The following RAB26 variants were observed in gnomAD, a reference collection of about 807,000 sequenced individuals.
RAB26 encodes RAB26, member RAS oncogene family.
RAB26 carries 39 observed loss-of-function variants against 33.1 expected under a neutral mutation model. That is an observed-to-expected ratio of 1.18 (90% CI 0.91 to 1.54). RAB26 has a LOEUF of 1.54. Ranked by LOEUF, RAB26 falls within the 40% of genes most tolerant of loss-of-function variation. The pLI, the probability that RAB26 is intolerant of heterozygous loss-of-function variation, is 0.00. For missense variants in RAB26, 468 were observed against 362.9 expected, an observed-to-expected ratio of 1.29 and a Z score of -2.35; for synonymous variants, 192 against 151.9, an observed-to-expected ratio of 1.26 and a Z score of -1.94.
Position 2,148,665 on chromosome 16 carries a change from G to GCCC in RAB26, c.-117_-116insCCC. ...CCGGGATGATGCCGCCGCCGCCGCC[G>GCCC]CCGCCGCCGCCGCCGCCAGGGGAAG... On this transcript the variant is annotated 5_prime_UTR_variant, in exon 1 of 9. Transcript: ENST00000210187. 2 of 945,936 alleles carry GCCC rather than the reference G, an allele frequency of 2.1e-6. No individual in the cohort carries two copies. Among genetic ancestry groups the GCCC allele is most frequent in the Non-Finnish European group, 2.6e-6 (2 of 762,114 alleles). The allele number at this position is 945,936 out of a possible 1,614,324, so 58.6% of individuals were successfully genotyped here. A position where few individuals can be genotyped will look rare whatever the true frequency, so the allele number is the denominator to read the frequency against.
rs761330239 is a variant in RAB26, at chr16:2,150,014, C to T, written c.269C>T (p.Ala90Val). 9 of 1,544,848 alleles carry T rather than the reference C, an allele frequency of 5.8e-6. No individual in the cohort carries two copies. The highest frequency in any genetic ancestry group is 6.1e-6 in the Non-Finnish European group (7 of 1,143,826). ...LVRFKDGAFL[A>V]GTFISTVGID... ...CGATTCAAGGATGGTGCTTTCCTGG[C>T]GGGGACCTTCATCTCCACCGTAGGC... is the stretch of plus-strand genomic sequence containing the variant. Residue 90 changes from alanine (A) to valine (V), a missense_variant, in exon 2 of 9, where the codon GCG (alanine) becomes GTG (valine). Transcript: ENST00000210187.
At chr16:2,149,672 G>A (rs537716495) in intron 1 of RAB26, among the ~76,000 whole-genome samples, 5 of 152,320 alleles carry the variant, frequency 3.3e-5, no homozygotes, top group African/African-American at 9.6e-5. Context: ...GCTGTCCACC[G>A]TGTGGGGGTA....
intron 2 of RAB26, among the ~76,000 whole-genome samples, chr16:2,150,941 C>T (rs1350079349): frequency 6.6e-6 from 1 of 152,226 alleles, no homozygotes; most frequent in African/African-American, 2.4e-5. Context: ...CCCCCCGCCC[C>T]CACCCCAACA....
chr16:2,148,890 C>T lies in RAB26; in HGVS notation c.107C>T (p.Ser36Phe), dbSNP rs759389319. 7.4e-7 allele frequency: 1 copy of T among 1,356,300 alleles called. No homozygotes were observed. Among genetic ancestry groups the T allele is most frequent in the Admixed American group, 3.4e-5 (1 of 29,684 alleles). The allele number at this position is 1,356,300 out of a possible 1,614,324, so 84.0% of individuals were successfully genotyped here. Reference sequence around the variant, plus strand: ...CCGGCGCGCTCCGGGACTGCGCTTTCCGGCCCCGACGCGCCGCCCAACGGG... The same window carrying T: ...CCGGCGCGCTCCGGGACTGCGCTTTTCGGCCCCGACGCGCCGCCCAACGGG... ...ARPARSGTAL[S>F]GPDAPPNGPL... Residue 36 changes from serine (S) to phenylalanine (F), a missense_variant, in exon 1 of 9, where the codon TCC (serine) becomes TTC (phenylalanine). Physicochemically the swap from Ser to Phe is radical, Grantham distance 155. Coordinates refer to ENST00000210187, the MANE Select transcript of RAB26 (RefSeq NM_014353.5).
chr16:2,153,454 G>A lies in RAB26; in HGVS notation c.*33G>A, dbSNP rs762247046. The A allele has an allele frequency of 2.2e-5, 35 of 1,599,296 alleles. No individual in the cohort carries two copies. The highest frequency in any genetic ancestry group is 1.7e-4 in the Middle Eastern group (1 of 6,034). On this transcript the variant is annotated 3_prime_UTR_variant, in exon 9 of 9. Transcript: ENST00000210187. ...TGAGCTCAGTCCTCTGGAGGAAGCC[G>A]TCCAGTCCCTAGAAGGCTGGACAGA...
chr16:2,151,303 C>T (rs1227146368), intron 2 of RAB26: 4 of 596,734 alleles, frequency 6.7e-6, no homozygotes, highest in Admixed American at 2.6e-5. Flanking sequence ...ATGAGGAAAC[C>T]GAGGCAGTGT....
Position 2,153,012 on chromosome 16 carries a change from G to A in RAB26, c.558G>A (p.Val186=), listed in dbSNP as rs768224207. Residue 186 remains valine, a synonymous_variant, in exon 7 of 9, where the codon GTG becomes GTA. Transcript: ENST00000210187. The stretch of plus-strand genomic sequence containing the variant: ...AGGTGGACTCTGCCCATGAGCGTGT[G>A]GTGAAGAGGGAGGACGGGGAGAAGC... ...GNKVDSAHER[V]VKREDGEKLA... 3.8e-6 allele frequency: 6 copies of A among 1,599,064 alleles called. No homozygotes were observed. The Admixed American group carries it at 5.1e-5, about 13-fold the overall frequency.
rs1260218257 is a variant in RAB26, at chr16:2,153,677, G to A, written c.*256G>A. On this transcript the variant is annotated 3_prime_UTR_variant, in exon 9 of 9. Coordinates refer to ENST00000210187, the MANE Select transcript of RAB26 (RefSeq NM_014353.5). Reference sequence around the variant, plus strand: ...CGGGACGGGGAGCGGCAAGTGGACAGACTTTGCCACGGTGCTCTGCTGCCC... The same window carrying A: ...CGGGACGGGGAGCGGCAAGTGGACAAACTTTGCCACGGTGCTCTGCTGCCC... The A allele has an allele frequency of 1.6e-6, 1 of 642,508 alleles. No individual in the cohort carries two copies. Among genetic ancestry groups the A allele is most frequent in the Non-Finnish European group, 2.9e-6 (1 of 347,618 alleles). The allele number at this position is 642,508 out of a possible 1,614,324, so 39.8% of individuals were successfully genotyped here. A position where few individuals can be genotyped will look rare whatever the true frequency, so the allele number is the denominator to read the frequency against.
chr16:2,149,595 C>T (rs979343373), intron 1 of RAB26, among the ~76,000 whole-genome samples: 7 of 152,114 alleles, frequency 4.6e-5, no homozygotes, highest in South Asian at 2.1e-4. Flanking sequence ...GAGAAGCCCC[C>T]GGCAGAGGCC....
rs543243418 is a variant in RAB26, at chr16:2,152,399, T to C, written c.469-421T>C. ...TCAAAAAAATAAAATGGGCTGGGCA[T>C]GGTGGCTCACACCTGTAATCCCACC... On this transcript the variant is annotated intron_variant, in intron 5 of 8. Transcript: ENST00000210187. Among the ~76,000 whole-genome samples the C allele has an allele frequency of 4.6e-5, 7 of 151,724 alleles. No individual in the cohort carries two copies. The South Asian group carries it at 1.2e-3, about 27-fold the overall frequency.
rs767749416 is a variant in RAB26, at chr16:2,153,391, G to A, written c.741G>A (p.Glu247=). The A allele has an allele frequency of 6.2e-7, 1 of 1,613,474 alleles. No individual in the cohort carries two copies. Among genetic ancestry groups the A allele is most frequent in the Non-Finnish European group, 8.5e-7 (1 of 1,180,000 alleles). The part of the protein sequence containing the change: ...RFRLHDYVKR[E]GRGASCCRP ...GGCTGCATGATTACGTTAAGAGGGA[G>A]GGTCGAGGGGCCTCCTGCTGCCGCC... is the stretch of plus-strand genomic sequence containing the variant. The change falls in exon 9 of 9, where the codon GAG becomes GAA. Residue 247 remains glutamate (E), a synonymous_variant. Coordinates refer to ENST00000210187, the MANE Select transcript of RAB26 (RefSeq NM_014353.5).
At chr16:2,151,319 A>C in intron 2 of RAB26, 1 of 606,616 alleles carries the variant, frequency 1.6e-6, no homozygotes, top group Non-Finnish European at 3.0e-6. Flanking sequence ...AGTGTCAGTA[A>C]GAGGCCTGGT....
chr16:2,149,209 G>A (rs973914683), intron 1 of RAB26, among the ~76,000 whole-genome samples: 3 of 152,128 alleles, frequency 2.0e-5, no homozygotes, highest in Non-Finnish European at 4.4e-5. Context: ...GCGGCATGGT[G>A]GCACAAGGGG....
intron 2 of RAB26, 148 bp downstream of exon 2, chr16:2,150,199 T>A: frequency 1.5e-6 from 1 of 655,522 alleles, no homozygotes; most frequent in Non-Finnish European, 2.5e-6. Context: ...GGCTGGTGGC[T>A]GCACCCGACA....
At chr16:2,151,335 C>T in intron 2 of RAB26, 1 of 624,704 alleles carries the variant, frequency 1.6e-6, no homozygotes, top group Non-Finnish European at 2.9e-6. Flanking sequence ...CTGGTGGGGT[C>T]ATGAGTTCAA....
chr16:2,151,871 A>G lies in RAB26; in HGVS notation c.431A>G (p.Tyr144Cys), dbSNP rs1214013584. 6.2e-7 allele frequency: 1 copy of G among 1,613,994 alleles called. No homozygotes were observed. Among genetic ancestry groups the G allele is most frequent in the African/African-American group, 1.3e-5 (1 of 74,926 alleles). Residue 144 changes from tyrosine to cysteine, a missense_variant, in exon 5 of 9, where the codon TAC becomes TGC. Transcript: ENST00000210187. ...YRDAHALLLL[Y>C]DVTNKASFDN... Reference sequence around the variant, plus strand: ...CTGTCCCCAGCTCTGCTGCTGCTCTACGATGTCACCAACAAGGCCTCCTTT... The same window carrying G: ...CTGTCCCCAGCTCTGCTGCTGCTCTGCGATGTCACCAACAAGGCCTCCTTT...
chr16:2,149,827 G>A, intron 1 of RAB26, 114 bp from the exon 2 acceptor site: 1 of 741,426 alleles, frequency 1.3e-6, no homozygotes, highest in Non-Finnish European at 2.1e-6. Context: ...TGGCCCCGCT[G>A]AGCCTGCAGG....
Position 2,153,027 on chromosome 16 carries a change from C to T in RAB26, c.573C>T (p.Asp191=), listed in dbSNP as rs777074609. The change falls in exon 7 of 9, where the codon GAC becomes GAT. Residue 191 remains aspartate (D), a synonymous_variant. Coordinates refer to ENST00000210187, the MANE Select transcript of RAB26 (RefSeq NM_014353.5). ...ATGAGCGTGTGGTGAAGAGGGAGGA[C>T]GGGGAGAAGCTGGCCAAGGTGAGTC... ...SAHERVVKRE[D]GEKLAKEYGL... The T allele has an allele frequency of 3.6e-5, 57 of 1,601,576 alleles. No individual in the cohort carries two copies. Among genetic ancestry groups the T allele is most frequent in the Non-Finnish European group, 4.4e-5 (52 of 1,171,838 alleles).
Position 2,151,880 on chromosome 16 carries a change from C to A in RAB26, c.440C>A (p.Thr147Asn), listed in dbSNP as rs750141835. The A allele has an allele frequency of 6.2e-7, 1 of 1,614,158 alleles. No homozygotes were observed. Among genetic ancestry groups the A allele is most frequent in the Non-Finnish European group, 8.5e-7 (1 of 1,180,030 alleles). Reference protein sequence around the residue: ...AHALLLLYDVTNKASFDNIQA... With the variant: ...AHALLLLYDVNNKASFDNIQA... Reference sequence around the variant, plus strand: ...GCTCTGCTGCTGCTCTACGATGTCACCAACAAGGCCTCCTTTGACAACATC... The same window carrying A: ...GCTCTGCTGCTGCTCTACGATGTCAACAACAAGGCCTCCTTTGACAACATC... The change falls in exon 5 of 9, where the codon ACC becomes AAC. Residue 147 changes from threonine to asparagine, a missense_variant. Thr to Asn is a moderately conservative substitution (Grantham distance 65). Coordinates refer to ENST00000210187, the MANE Select transcript of RAB26 (RefSeq NM_014353.5).
Sources: allele counts gnomAD v4.1 joint callset (sites outside exome capture counted in the v4.1 genomes callset), GRCh38; gene constraint gnomAD v4.1.1; transcripts MANE v1.5; gene names NCBI Gene and HGNC (gene_info 2026-07-23, HGNC 2026-07-21).